The following ARHGAP10 variants were observed in gnomAD, a reference collection of about 807,000 sequenced individuals.
ARHGAP10 encodes the protein rho GTPase-activating protein 10.
Under a neutral mutation model 108.6 loss-of-function variants are expected in ARHGAP10, and 87 were observed. The ratio of observed to expected loss-of-function variants is 0.80; its 90% CI spans 0.67 to 0.96. The LOEUF is 0.96. Ranked by LOEUF, ARHGAP10 falls within the 40% of genes least tolerant of loss-of-function variation. The probability of loss-of-function intolerance (pLI) is 0.00; values close to 1 mark genes in which losing one functional copy is unlikely to be tolerated. For missense variants in ARHGAP10, 939 were observed against 954.5 expected, an observed-to-expected ratio of 0.98 and a Z score of 0.21; for synonymous variants, 347 against 341.1, an observed-to-expected ratio of 1.02 and a Z score of -0.19.
At chr4:147,875,208 C>G (rs1035706165) in intron 8 of ARHGAP10, 58 bp downstream of exon 8, 5 of 1,477,770 alleles carry the variant, frequency 3.4e-6, no homozygotes, top group Non-Finnish European at 3.6e-6. Flanking sequence ...TTATTGAAAA[C>G]TCTGCTATTC....
In ARHGAP10 at chr4:148,023,393, T is replaced by C. The variant is rs553820436; in HGVS notation, c.1847T>C (p.Leu616Pro). 15 of 1,613,712 alleles carry C rather than the reference T, an allele frequency of 9.3e-6. No individual in the cohort carries two copies. The East Asian group carries it at 2.7e-4, about 29-fold the overall frequency. The change falls in exon 19 of 23, where the codon CTT becomes CCT. Residue 616 changes from leucine (L) to proline (P), a missense_variant. Coordinates refer to ENST00000336498, the MANE Select transcript of ARHGAP10 (RefSeq NM_024605.4). ...RTKRPVAVYNLCLELEDGDNP... is the reference protein window; with the variant it reads ...RTKRPVAVYNPCLELEDGDNP... ...AAGAGGCCCGTGGCCGTCTACAATC[T>C]TTGTCTGGAGCTGGAAGATGGTAAG... is the stretch of plus-strand genomic sequence containing the variant.
chr4:147,769,504 G>A, intron 1 of ARHGAP10, among the ~76,000 whole-genome samples: 1 of 152,248 alleles, frequency 6.6e-6, no homozygotes, highest in East Asian at 1.9e-4. Context: ...TTCTCTTTAT[G>A]TAATAAATTC....
chr4:147,900,847 G>A (rs191825920), intron 10 of ARHGAP10, among the ~76,000 whole-genome samples: 3 of 136,348 alleles, frequency 2.2e-5, no homozygotes, highest in South Asian at 2.5e-4. Flanking sequence ...ACAACAACAC[G>A]CCTTGAGACA....
intron 15 of ARHGAP10, among the ~76,000 whole-genome samples, chr4:147,949,163 T>A (rs541202730): frequency 6.6e-6 from 1 of 152,344 alleles, no homozygotes; most frequent in South Asian, 2.1e-4. Flanking sequence ...TCAGCCACTG[T>A]TCTAAATTTT....
chr4:147,856,788 A>G (rs745798675), intron 4 of ARHGAP10, among the ~76,000 whole-genome samples: 1 of 152,206 alleles, frequency 6.6e-6, no homozygotes, highest in Non-Finnish European at 1.5e-5. Flanking sequence ...ATTAGGGAAG[A>G]TCTTTCCCAA....
rs1305045419 is a variant in ARHGAP10 at position 148,017,750 on chromosome 4, C to T, written c.1717-5513C>T. On this transcript the variant is annotated intron_variant, in intron 18 of 22. Transcript: ENST00000336498. ...TCATTACATAGATAGATACTGTGGA[C>T]TTAAGTATTTATTAATTCAGTTCAA... is the stretch of plus-strand genomic sequence containing the variant. 4.7e-5 allele frequency among the ~76,000 whole-genome samples: 7 copies of T among 149,888 alleles called. No homozygotes were observed. The East Asian group carries it at 1.4e-3, about 29-fold the overall frequency.
At chr4:147,740,761 G>T (rs1338970870) in intron 1 of ARHGAP10, among the ~76,000 whole-genome samples, 1 of 151,988 alleles carries the variant, frequency 6.6e-6, no homozygotes, top group Non-Finnish European at 1.5e-5. Flanking sequence ...TTAGTATTAG[G>T]CTTGTTTTTC....
intron 18 of ARHGAP10, among the ~76,000 whole-genome samples, chr4:147,970,899 C>T (rs1739379393): frequency 6.6e-6 from 1 of 151,996 alleles, no homozygotes; most frequent in South Asian, 2.1e-4. Flanking sequence ...ACCAGCCTGG[C>T]CAACATGGCA....
At chr4:147,920,849 T>G (rs1737206733) in intron 13 of ARHGAP10, among the ~76,000 whole-genome samples, 1 of 152,186 alleles carries the variant, frequency 6.6e-6, no homozygotes, top group South Asian at 2.1e-4. Flanking sequence ...TTTTGGCGTT[T>G]AGAGGAAACT....
chr4:147,873,865 A>G (rs2126859914), intron 7 of ARHGAP10, among the ~76,000 whole-genome samples: 1 of 143,422 alleles, frequency 7.0e-6, no homozygotes, highest in Admixed American at 6.9e-5. Flanking sequence ...ACAGAGTGAG[A>G]CCCTGTCTTT....
intron 19 of ARHGAP10, among the ~76,000 whole-genome samples, chr4:148,030,524 T>C (rs1013605135): frequency 1.3e-5 from 2 of 152,186 alleles, no homozygotes; most frequent in African/African-American, 4.8e-5. Flanking sequence ...GTGTAACCAA[T>C]TCCAAGTGAC....
At chr4:147,918,314 T>C (rs1737077565) in intron 13 of ARHGAP10, among the ~76,000 whole-genome samples, 1 of 151,934 alleles carries the variant, frequency 6.6e-6, no homozygotes, top group South Asian at 2.1e-4. Flanking sequence ...TTTTTGTATT[T>C]TTAGTAGAGA....
chr4:147,947,993 T>C (rs1578722187), intron 15 of ARHGAP10, among the ~76,000 whole-genome samples: 1 of 146,912 alleles, frequency 6.8e-6, no homozygotes, highest in Admixed American at 7.0e-5. Context: ...CGGGCTGGAG[T>C]GCGATGGCAC....
intron 16 of ARHGAP10, among the ~76,000 whole-genome samples, chr4:147,962,902 C>G: frequency 6.6e-6 from 1 of 152,270 alleles, no homozygotes; most frequent in South Asian, 2.1e-4. Flanking sequence ...CTCAAGGGAT[C>G]TGCCTGCCTC....
At chr4:147,762,191 A>G (rs1729615520) in intron 1 of ARHGAP10, among the ~76,000 whole-genome samples, 1 of 152,042 alleles carries the variant, frequency 6.6e-6, no homozygotes, top group African/African-American at 2.4e-5. Context: ...TATTTTTAGT[A>G]GAGATCTGGT....
chr4:147,905,059 G>A (rs949364814), intron 10 of ARHGAP10, among the ~76,000 whole-genome samples: 65 of 152,042 alleles, frequency 4.3e-4, no homozygotes, highest in Non-Finnish European at 8.1e-4. Context: ...CATATCCTTT[G>A]CCCACTTTTT....
intron 18 of ARHGAP10, among the ~76,000 whole-genome samples, chr4:147,969,027 A>G (rs1371830163): frequency 6.6e-6 from 1 of 152,230 alleles, no homozygotes; most frequent in African/African-American, 2.4e-5. Flanking sequence ...CACTTATAGT[A>G]ATACCTGGTA....
intron 15 of ARHGAP10, among the ~76,000 whole-genome samples, chr4:147,951,615 T>C (rs183229160): frequency 3.0e-4 from 46 of 152,218 alleles, no homozygotes; most frequent in African/African-American, 9.4e-4. Flanking sequence ...CAATTTTCTT[T>C]TCAAAACATT....
At chr4:147,970,429 G>C (rs1290353318) in intron 18 of ARHGAP10, among the ~76,000 whole-genome samples, 1 of 152,016 alleles carries the variant, frequency 6.6e-6, no homozygotes. Context: ...GGATGGCGGT[G>C]GGGGGAGGGT....
Sources: allele counts gnomAD v4.1 joint callset (sites outside exome capture counted in the v4.1 genomes callset), GRCh38; gene constraint gnomAD v4.1.1; transcripts MANE v1.5; gene names NCBI Gene and HGNC (gene_info 2026-07-23, HGNC 2026-07-21).